Variants in MUC3A observed in about 807,000 individuals in gnomAD.
MUC3A encodes the protein mucin-3A.
MUC3A carries 109 observed loss-of-function variants against 109.0 expected under a neutral mutation model. That is an observed-to-expected ratio of 1.00 (90% CI 0.86 to 1.17). The LOEUF (loss-of-function observed/expected upper bound fraction) is 1.17, where lower values mean the gene tolerates loss of function less well. MUC3A is among the 50% of genes most tolerant of loss of function. The pLI, the probability that MUC3A is intolerant of heterozygous loss-of-function variation, is 0.00. For synonymous variants in MUC3A, 1,398 were observed against 981.4 expected, an observed-to-expected ratio of 1.42 and a Z score of -7.93; for missense variants, 3,537 against 2,469.4, an observed-to-expected ratio of 1.43 and a Z score of -9.16.
In MUC3A at chr7:100,960,642, G is replaced by A; in HGVS notation, c.8863G>A (p.Ala2955Thr). 6.3e-7 allele frequency: 1 copy of A among 1,597,356 alleles called. No individual in the cohort carries two copies. Among genetic ancestry groups the A allele is most frequent in the East Asian group, 2.2e-5 (1 of 44,884 alleles). ...MTTQSTLTTT[A>T]GTCDNGGTWE... ...CACACAGTCCACGTTGACCACCACT[G>A]CAGGTTGGACCTTCTGCCTCTCTGT... The change falls in exon 2 of 12, where the codon GCA (alanine) becomes ACA (threonine). Residue 2955 changes from alanine (A) to threonine (T), a missense_variant. Transcript: ENST00000379458.
Position 100,962,088 on chromosome 7 carries a change from CG to C in MUC3A, c.9053-1060del, listed in dbSNP as rs1792348557. 2.0e-5 allele frequency among the ~76,000 whole-genome samples: 2 copies of C among 102,254 alleles called. 1 individual carries two copies. Among genetic ancestry groups the C allele is most frequent in the Non-Finnish European group, 4.5e-5 (2 of 44,814 alleles). The allele number at this position is 102,254 out of a possible 152,430, so 67.1% of individuals were successfully genotyped here. A position where few individuals can be genotyped will look rare whatever the true frequency, so the allele number is the denominator to read the frequency against. On this transcript the variant is annotated intron_variant, in intron 3 of 11. Coordinates refer to ENST00000379458, the MANE Select transcript of MUC3A (RefSeq NM_005960.2). ...TCTACTAAAAATACAAAAAATTAGC[CG>C]GGCGTAGTGGCGGGCGCCTGTAGTC...
chr7:100,959,341 CT>C lies in MUC3A; in HGVS notation c.7563del (p.Arg2522GlufsTer30). 6.5e-7 allele frequency: 1 copy of C among 1,550,070 alleles called. No homozygotes were observed. Among genetic ancestry groups the C allele is most frequent in the Non-Finnish European group, 8.6e-7 (1 of 1,156,316 alleles). On this transcript the variant is annotated frameshift_variant, in exon 2 of 12. Transcript: ENST00000379458. LOFTEE classifies it high-confidence loss of function. ...CCCACTGATATCAGTACCTTACCAA[CT>C]CGAACACACATCATTTCATCTTCTC... ...SIPTDISTLP[T>X]RTHIISSSPS...
rs772692482 is a variant in MUC3A, at chr7:100,959,286, T to C, written c.7507T>C (p.Leu2503=). ...TTCGTCTGTGGGCACCAGCACTTCA[T>C]TGACTACAACCACAGACTTTCCCTC... ...TPSSVGTSTS[L]TTTTDFPSIP... Residue 2503 remains leucine (L), a synonymous_variant, in exon 2 of 12, where the codon TTG becomes CTG. Transcript: ENST00000379458. 142 of 1,589,070 alleles carry C rather than the reference T, an allele frequency of 8.9e-5. No individual in the cohort carries two copies. Among genetic ancestry groups the C allele is most frequent in the Non-Finnish European group, 1.1e-4 (131 of 1,174,486 alleles).
At position 100,955,936 on chromosome 7, in the gene MUC3A, C is replaced by G; in HGVS notation, c.4157C>G (p.Pro1386Arg). ...SLTTAMTSTPPITSSITPTDT... is the reference protein window; with the variant it reads ...SLTTAMTSTPRITSSITPTDT... ...ACAACAGCCATGACTTCTACTCCCCCCATCACTTCTTCAATCACTCCCACC... is the reference window on the plus strand; with the variant it reads ...ACAACAGCCATGACTTCTACTCCCCGCATCACTTCTTCAATCACTCCCACC... The change falls in exon 2 of 12, where the codon CCC becomes CGC. Residue 1386 changes from proline to arginine, a missense_variant. By Grantham distance (103) the Pro-to-Arg change is moderately radical. Coordinates refer to ENST00000379458, the MANE Select transcript of MUC3A (RefSeq NM_005960.2). 5.6e-6 allele frequency: 3 copies of G among 535,570 alleles called. No homozygotes were observed. Among genetic ancestry groups the G allele is most frequent in the Non-Finnish European group, 6.6e-6 (2 of 301,884 alleles). The allele number at this position is 535,570 out of a possible 1,614,324, so 33.2% of individuals were successfully genotyped here. A position where few individuals can be genotyped will look rare whatever the true frequency, so the allele number is the denominator to read the frequency against.
In MUC3A at chr7:100,958,912, CAATCACCACCACT is replaced by C. The variant is rs1792199315; in HGVS notation, c.7134_7146del (p.Ile2379ArgfsTer88). ...CACAGTACTCCCAGCTTCAGTTCTT[CAATCACCACCACT>C]GAGACCCCCTTACACAGTACTCCTG... On this transcript the variant is annotated frameshift_variant, in exon 2 of 12. Coordinates refer to ENST00000379458, the MANE Select transcript of MUC3A (RefSeq NM_005960.2). LOFTEE classifies it high-confidence loss of function. The C allele has an allele frequency of 8.8e-7, 1 of 1,142,628 alleles. No individual in the cohort carries two copies. The highest frequency in any genetic ancestry group is 5.9e-5 in the Admixed American group (1 of 16,926). 70.8% of individuals were successfully genotyped at this position (1,142,628 alleles called of 1,614,324 possible).
At position 100,955,454 on chromosome 7, in the gene MUC3A, T is replaced by G. The variant is rs886891854; in HGVS notation, c.3675T>G (p.Thr1225=). Residue 1225 remains threonine, a synonymous_variant, in exon 2 of 12, where the codon ACT becomes ACG. Coordinates refer to ENST00000379458, the MANE Select transcript of MUC3A (RefSeq NM_005960.2). ...TTATDLTSTF[T]VSSSSAMSTS... ...CAACAGACCTCACATCAACATTCAC[T>G]GTTTCCAGTTCCTCAGCAATGTCCA... 15 of 582,858 alleles carry G rather than the reference T, an allele frequency of 2.6e-5. No individual in the cohort carries two copies. The Admixed American group carries it at 2.9e-4, about 11-fold the overall frequency. The allele number at this position is 582,858 out of a possible 1,614,324, so 36.1% of individuals were successfully genotyped here.
At chr7:100,951,476 G>A (rs1364973116) in intron 1 of MUC3A, among the ~76,000 whole-genome samples, 1 of 152,098 alleles carries the variant, frequency 6.6e-6, no homozygotes, top group Admixed American at 6.5e-5. Flanking sequence ...GCAGTAGCAG[G>A]GGGAGGAGAG....
chr7:100,951,968 C>T lies in MUC3A; in HGVS notation c.189C>T (p.Leu63=), dbSNP rs181049741. The change falls in exon 2 of 12, where the codon CTC becomes CTT. Residue 63 remains leucine (L), a synonymous_variant. Coordinates refer to ENST00000379458, the MANE Select transcript of MUC3A (RefSeq NM_005960.2). ...LAGWPLGVPQ[L]ASPAPGHREN... ...GGTGGCCACTTGGTGTCCCCCAGCTCGCCTCTCCTGCTCCTGGCCACAGGG... is the reference window on the plus strand; with the variant it reads ...GGTGGCCACTTGGTGTCCCCCAGCTTGCCTCTCCTGCTCCTGGCCACAGGG... The T allele has an allele frequency of 3.6e-5, 57 of 1,598,510 alleles. No individual in the cohort carries two copies. In the African/African-American group the frequency reaches 6.7e-4, roughly 19 times the overall value.
In MUC3A at chr7:100,957,294, A is replaced by T. The variant is rs1480971312; in HGVS notation, c.5515A>T (p.Thr1839Ser). The T allele has an allele frequency of 9.0e-6, 5 of 558,424 alleles. No individual in the cohort carries two copies. In the Admixed American group the frequency reaches 1.8e-4, roughly 20 times the overall value. The allele number at this position is 558,424 out of a possible 1,614,324, so 34.6% of individuals were successfully genotyped here. ...SDTSSTPTSE[T>S]TYPTSLTSAL... ...CACCAGTTCTACACCTACATCTGAG[A>T]CCACCTACCCTACTTCTCTTACTAG... The change falls in exon 2 of 12, where the codon ACC becomes TCC. Residue 1839 changes from threonine (T) to serine (S), a missense_variant. Thr to Ser is a moderately conservative substitution (Grantham distance 58, BLOSUM62 1). Coordinates refer to ENST00000379458, the MANE Select transcript of MUC3A (RefSeq NM_005960.2).
chr7:100,961,847 C>T (rs1269494331), intron 3 of MUC3A, among the ~76,000 whole-genome samples: 1 of 152,304 alleles, frequency 6.6e-6, no homozygotes, highest in East Asian at 1.9e-4. Flanking sequence ...AGCTGATTGT[C>T]TTATAATCCC....
In MUC3A at chr7:100,959,500, C is replaced by T. The variant is rs1015494751; in HGVS notation, c.7721C>T (p.Pro2574Leu). Reference sequence around the variant, plus strand: ...TTTAGCACAAGTATTGTTGTTATACCTGAAACCCCAACACAGACCCCTCCT... The same window carrying T: ...TTTAGCACAAGTATTGTTGTTATACTTGAAACCCCAACACAGACCCCTCCT... Reference protein sequence around the residue: ...SSFSTSIVVIPETPTQTPPVL... With the variant: ...SSFSTSIVVILETPTQTPPVL... Residue 2574 changes from proline to leucine, a missense_variant, in exon 2 of 12, where the codon CCT becomes CTT. By Grantham distance (98) the Pro-to-Leu change is moderately conservative. Transcript: ENST00000379458. 3 of 1,586,334 alleles carry T rather than the reference C, an allele frequency of 1.9e-6. No individual in the cohort carries two copies. Among genetic ancestry groups the T allele is most frequent in the Non-Finnish European group, 2.6e-6 (3 of 1,175,074 alleles).
At position 100,958,683 on chromosome 7, in the gene MUC3A, C is replaced by A. The variant is rs576331302; in HGVS notation, c.6904C>A (p.His2302Asn). ...AATCACCACCACCAAGACCACCTCA[C>A]ACAGTACTCCCAGCTTCACTTCTTC... Reference protein sequence around the residue: ...SLITTTKTTSHSTPSFTSSIT... With the variant: ...SLITTTKTTSNSTPSFTSSIT... The change falls in exon 2 of 12, where the codon CAC (histidine) becomes AAC (asparagine). Residue 2302 changes from histidine (H) to asparagine (N), a missense_variant. Transcript: ENST00000379458. The A allele has an allele frequency of 9.5e-6, 15 of 1,577,792 alleles. No homozygotes were observed. Among genetic ancestry groups the A allele is most frequent in the Admixed American group, 6.8e-5 (4 of 58,742 alleles).
At chr7:100,951,731 C>G in intron 1 of MUC3A, 110 bp from the exon 2 acceptor site, 1 of 1,492,026 alleles carries the variant, frequency 6.7e-7, no homozygotes, top group South Asian at 1.3e-5. Flanking sequence ...ATATGCCCTG[C>G]CCTCTGTGAT....
In MUC3A at chr7:100,952,094, G is replaced by A. The variant is rs748279136; in HGVS notation, c.315G>A (p.Thr105=). 1.9e-5 allele frequency: 30 copies of A among 1,598,518 alleles called. No homozygotes were observed. Among genetic ancestry groups the A allele is most frequent in the East Asian group, 4.5e-5 (2 of 44,904 alleles). The change falls in exon 2 of 12, where the codon ACG becomes ACA. Residue 105 remains threonine, a synonymous_variant. Coordinates refer to ENST00000379458, the MANE Select transcript of MUC3A (RefSeq NM_005960.2). The part of the protein sequence containing the change: ...PVSSNTSTTP[T]SKFAFKVETT... ...GTTCCAACACCTCAACCACCCCGAC[G>A]TCCAAGTTTGCCTTCAAGGTTGAAA... is the stretch of plus-strand genomic sequence containing the variant.
At chr7:100,950,630 C>T (rs1210202523) in intron 1 of MUC3A, among the ~76,000 whole-genome samples, 3 of 152,280 alleles carry the variant, frequency 2.0e-5, no homozygotes, top group African/African-American at 4.8e-5. Flanking sequence ...CGGGTACCTC[C>T]CACTTCCCAT....
intron 3 of MUC3A, among the ~76,000 whole-genome samples, chr7:100,961,537 A>G (rs1353635764): frequency 6.6e-6 from 1 of 152,312 alleles, no homozygotes; most frequent in Non-Finnish European, 1.5e-5. Flanking sequence ...TCTCAAGATC[A>G]GCTGATTACG....
chr7:100,951,408 GT>G (rs1791936595), intron 1 of MUC3A, among the ~76,000 whole-genome samples: 160 of 145,432 alleles, frequency 1.1e-3, no homozygotes, highest in African/African-American at 3.8e-3. Flanking sequence ...CAGCAGCAGG[GT>G]GCCGGGAGAA....
chr7:100,960,896 A>C lies in MUC3A; in HGVS notation c.9011A>C (p.Tyr3004Ser), dbSNP rs762561742. 6 of 1,598,518 alleles carry C rather than the reference A, an allele frequency of 3.8e-6. No individual in the cohort carries two copies. Among genetic ancestry groups the C allele is most frequent in the Non-Finnish European group, 4.2e-6 (5 of 1,179,796 alleles). The change falls in exon 3 of 12, where the codon TAT becomes TCT. Residue 3004 changes from tyrosine (Y) to serine (S), a missense_variant. Transcript: ENST00000379458. ...AAATGCCAGTGCCCCAGCACCTTCT[A>C]TGGTTCCAGTTGTGAGTTTGCTGTG... is the stretch of plus-strand genomic sequence containing the variant. The part of the protein sequence containing the change: ...GLKCQCPSTF[Y>S]GSSCEFAVEQ...
In MUC3A at chr7:100,960,375, C is replaced by T. The variant is rs1191422749; in HGVS notation, c.8596C>T (p.Leu2866=). The T allele has an allele frequency of 1.3e-6, 2 of 1,598,430 alleles. No individual in the cohort carries two copies. The highest frequency in any genetic ancestry group is 1.7e-5 in the Admixed American group (1 of 60,014). The part of the protein sequence containing the change: ...PTNTVFTSTR[L]PTSETWLSNS... ...AAACACAGTTTTCACAAGTACTCGA[C>T]TGCCCACCAGTGAGACCTGGCTGAG... Residue 2866 remains leucine (L), a synonymous_variant, in exon 2 of 12, where the codon CTG becomes TTG. Coordinates refer to ENST00000379458, the MANE Select transcript of MUC3A (RefSeq NM_005960.2).
Sources: allele counts gnomAD v4.1 joint callset (sites outside exome capture counted in the v4.1 genomes callset), GRCh38; gene constraint gnomAD v4.1.1; transcripts MANE v1.5; gene names NCBI Gene and HGNC (gene_info 2026-07-23, HGNC 2026-07-21).